NUMA1: variants seen among roughly 807,000 people sequenced by gnomAD.
NUMA1 encodes the protein nuclear mitotic apparatus protein 1.
A neutral mutation model predicts 237.1 loss-of-function variants in NUMA1; 62 were observed. The observed-to-expected ratio is 0.26, with a 90% confidence interval of 0.21 to 0.32. The LOEUF (loss-of-function observed/expected upper bound fraction) is 0.32, where lower values mean the gene tolerates loss of function less well. Among genes scored for constraint, NUMA1 ranks in the 10% least tolerant of loss-of-function variants. NUMA1 has a pLI of 1.00. For missense variants in NUMA1, 2,533 were observed against 2,666.5 expected (o/e 0.95, Z 1.10); for synonymous variants, 1,028 against 1,066.1 (o/e 0.96, Z 0.70).
intron 21 of NUMA1, 32 bp from the exon 22 acceptor site, chr11:72,006,295 C>T: frequency 6.3e-7 from 1 of 1,584,642 alleles, no homozygotes; most frequent in Non-Finnish European, 8.7e-7. Flanking sequence ...TTGCAGTGTA[C>T]AGTCCCTGGC....
chr11:72,009,536 G>A (rs1590877328), intron 17 of NUMA1, 149 bp from the exon 18 acceptor site: 1 of 1,075,908 alleles, frequency 9.3e-7, no homozygotes, highest in Non-Finnish European at 1.3e-6. Flanking sequence ...AATACTCTCT[G>A]CCCGACTACA....
At chr11:72,004,525 AGGGAAAGAGAG>A (rs1359312628) in intron 24 of NUMA1, 104 bp downstream of exon 24, 2 of 1,261,450 alleles carry the variant, frequency 1.6e-6, no homozygotes, top group Non-Finnish European at 1.1e-6. Flanking sequence ...CCTTGGAGAG[AGGGAAAGAGAG>A]GGGGAAGTGA....
intron 2 of NUMA1, chr11:72,049,560 A>ATATATATATATATATATATAT (rs59229987): frequency 0.042 from 1,700 of 40,824 alleles, 520 homozygotes; most frequent in Middle Eastern, 0.059. Context: ...AAATAATAAT[A>ATATATATATATATATATATAT]ATATATATAT....
rs754202501 is a variant in NUMA1, at chr11:72,018,961, C to G, written c.604G>C (p.Ala202Pro). Residue 202 changes from alanine (A) to proline (P), a missense_variant, in exon 10 of 27, where the codon GCT becomes CCT. Ala to Pro is a conservative substitution (Grantham distance 27). This residue lies in a region of NUMA1 where 1,414 missense variants were observed against 1,508.1 expected (regional missense o/e 0.94). Transcript: ENST00000393695. ...SGNNFLSGSP[A>P]SPMGDILQTP... ...TGCAGGATATCACCCATGGGAGAAGCTGGAGAACCTGAGAGAAAGCTGAGG... is the reference window on the plus strand; with the variant it reads ...TGCAGGATATCACCCATGGGAGAAGGTGGAGAACCTGAGAGAAAGCTGAGG... 5 of 1,613,962 alleles carry G rather than the reference C, an allele frequency of 3.1e-6. No individual in the cohort carries two copies. The East Asian group carries it at 6.7e-5, about 22-fold the overall frequency.
chr11:72,032,113 A>C lies in NUMA1; in HGVS notation c.43-2823T>G, dbSNP rs375449989. ...GAGTTCCAGGCTGCTGTGAGCTATGAAGCTGCAACTGCATTCCAGCCTGGG... is the reference window on the plus strand; with the variant it reads ...GAGTTCCAGGCTGCTGTGAGCTATGCAGCTGCAACTGCATTCCAGCCTGGG... On this transcript the variant is annotated intron_variant, in intron 3 of 26. Transcript: ENST00000393695. 4.6e-5 allele frequency among the ~76,000 whole-genome samples: 7 copies of C among 152,118 alleles called. No homozygotes were observed. In the East Asian group the frequency reaches 1.3e-3, roughly 29 times the overall value.
chr11:72,069,037 C>A (rs1011243218), intron 2 of NUMA1, among the ~76,000 whole-genome samples: 1 of 152,150 alleles, frequency 6.6e-6, no homozygotes. Context: ...CAGAGGCAGT[C>A]TGAGGCAATG....
chr11:72,054,155 G>A (rs902421658), intron 2 of NUMA1, among the ~76,000 whole-genome samples: 5 of 152,076 alleles, frequency 3.3e-5, no homozygotes, highest in South Asian at 2.1e-4. Context: ...GAACATGTGT[G>A]CCAAAAAGCA....
chr11:72,036,431 T>A (rs1941031075), intron 2 of NUMA1, among the ~76,000 whole-genome samples: 1 of 152,204 alleles, frequency 6.6e-6, no homozygotes. Context: ...CCTCTCTGGG[T>A]TATTGTGATG....
chr11:72,033,877 A>AT lies in NUMA1; in HGVS notation c.42+2024dup, dbSNP rs199615294. On this transcript the variant is annotated intron_variant, in intron 3 of 26. Coordinates refer to ENST00000393695, the MANE Select transcript of NUMA1 (RefSeq NM_006185.4). ...CTCTACCAAAAATATAAAACATTGT[A>AT]TTTTTTTTGAGGTCACATTAAAATT... is the stretch of plus-strand genomic sequence containing the variant. 4.3e-3 allele frequency among the ~76,000 whole-genome samples: 660 copies of AT among 151,830 alleles called. 2 individuals carry two copies. The highest frequency in any genetic ancestry group is 0.015 in the African/African-American group (630 of 41,398).
chr11:72,056,652 A>AAAAAAAAAAAG, intron 2 of NUMA1, among the ~76,000 whole-genome samples: 1 of 149,946 alleles, frequency 6.7e-6, no homozygotes, highest in African/African-American at 2.4e-5. Flanking sequence ...AAAAAAAAAA[A>AAAAAAAAAAAG]AAAAAAAAGG....
rs1261219266 is a variant in NUMA1, at chr11:72,014,137, C to T, written c.3366G>A (p.Leu1122=). 1 of 1,612,928 alleles carries T rather than the reference C, an allele frequency of 6.2e-7. No individual in the cohort carries two copies. Among genetic ancestry groups the T allele is most frequent in the East Asian group, 2.2e-5 (1 of 44,886 alleles). ...TGCTCACCTCTGCCCGCAGTGCCTCCAGCTTGGGGCCTGTTGGCTCTGTCC... is the reference window on the plus strand; with the variant it reads ...TGCTCACCTCTGCCCGCAGTGCCTCTAGCTTGGGGCCTGTTGGCTCTGTCC... ...AGRTEPTGPK[L]EALRAEVSKL... is the part of the protein sequence containing the mutation. Residue 1122 remains leucine (L), a synonymous_variant, in exon 15 of 27, where the codon CTG becomes CTA. Transcript: ENST00000393695. The surrounding 1 kb of genome is among the most constrained non-coding windows in gnomAD (Gnocchi z 4.6).
At position 72,006,241 on chromosome 11, in the gene NUMA1, T is replaced by C. The variant is rs1955684291; in HGVS notation, c.5486A>G (p.Asp1829Gly). The C allele has an allele frequency of 6.2e-7, 1 of 1,614,052 alleles. No individual in the cohort carries two copies. Among genetic ancestry groups the C allele is most frequent in the Admixed American group, 1.7e-5 (1 of 60,012 alleles). Residue 1829 changes from aspartate (D) to glycine (G), a missense_variant, in exon 22 of 27, where the codon GAC (aspartate) becomes GGC (glycine). By Grantham distance (94) the Asp-to-Gly change is moderately conservative. This residue lies in a region of NUMA1 where 795 missense variants were observed against 750.8 expected (regional missense o/e 1.06). Coordinates refer to ENST00000393695, the MANE Select transcript of NUMA1 (RefSeq NM_006185.4). ...GCTGTAGAACGATGAGTTGGCGCTG[T>C]CTGGCTCTTCCACATCTAGCTTCTG... ...MTKKLDVEEP[D>G]SANSSFYSTR...
intron 5 of NUMA1, 35 bp from the exon 6 acceptor site, chr11:72,023,182 T>G (rs1486965317): frequency 6.7e-7 from 1 of 1,483,040 alleles, no homozygotes; most frequent in South Asian, 1.1e-5. Flanking sequence ...CAGGGTGAAC[T>G]TCCTGGAAAC....
rs1233521041 is a variant in NUMA1, at chr11:72,003,314, T to TAG, written c.*212_*213insCT. 1.5e-5 allele frequency: 9 copies of TAG among 592,384 alleles called. No individual in the cohort carries two copies. In the Admixed American group the frequency reaches 2.7e-4, roughly 18 times the overall value. The allele number at this position is 592,384 out of a possible 1,614,324, so 36.7% of individuals were successfully genotyped here. On this transcript the variant is annotated 3_prime_UTR_variant, in exon 27 of 27. Coordinates refer to ENST00000393695, the MANE Select transcript of NUMA1 (RefSeq NM_006185.4). ...GGCAAGGTAGGGAGAGCGCCCACAC[T>TAG]GTCCATGCTCCAGGCCCCCTGGGCC...
In NUMA1 at chr11:72,014,952, C is replaced by G; in HGVS notation, c.2551G>C (p.Glu851Gln). 1.2e-6 allele frequency: 2 copies of G among 1,614,162 alleles called. No individual in the cohort carries two copies. The highest frequency in any genetic ancestry group is 1.7e-6 in the Non-Finnish European group (2 of 1,180,050). ...ATGCCTGCCACCTTCTCCTTTGCCTCCTGCAGCTCCTGGCGGGCCTTCTCA... is the reference window on the plus strand; with the variant it reads ...ATGCCTGCCACCTTCTCCTTTGCCTGCTGCAGCTCCTGGCGGGCCTTCTCA... ...ECEKARQELQ[E>Q]AKEKVAGIES... The change falls in exon 15 of 27, where the codon GAG becomes CAG. Residue 851 changes from glutamate to glutamine, a missense_variant. Transcript: ENST00000393695. The surrounding 1 kb of genome is among the most constrained non-coding windows in gnomAD (Gnocchi z 4.6).
At chr11:72,038,215 C>T (rs1941266624) in intron 2 of NUMA1, among the ~76,000 whole-genome samples, 1 of 152,196 alleles carries the variant, frequency 6.6e-6, no homozygotes, top group Non-Finnish European at 1.5e-5. Flanking sequence ...AGACTCACAG[C>T]TGTGCTACTA....
rs757401282 is a variant in NUMA1 at position 72,003,949 on chromosome 11, T to C, written c.6274A>G (p.Thr2092Ala). The stretch of plus-strand genomic sequence containing the variant: ...GCAGTGGCGGCGCTGGCTGTGGTGG[T>C]GGCAATGCGCGGAGAACGGCGGGTT... ...SGTRRSPRIA[T>A]TTASAATAAA... The change falls in exon 26 of 27, where the codon ACC becomes GCC. Residue 2092 changes from threonine to alanine, a missense_variant. Physicochemically the swap from Thr to Ala is moderately conservative, Grantham distance 58. Coordinates refer to ENST00000393695, the MANE Select transcript of NUMA1 (RefSeq NM_006185.4). 6.2e-7 allele frequency: 1 copy of C among 1,613,278 alleles called. No individual in the cohort carries two copies. Among genetic ancestry groups the C allele is most frequent in the South Asian group, 1.1e-5 (1 of 91,042 alleles).
rs1941262928 is a variant in NUMA1, at chr11:72,038,168, T to G, written c.-32-2193A>C. 2.0e-5 allele frequency among the ~76,000 whole-genome samples: 3 copies of G among 152,176 alleles called. No individual in the cohort carries two copies. In the South Asian group the frequency reaches 6.2e-4, roughly 32 times the overall value. On this transcript the variant is annotated intron_variant, in intron 2 of 26. Transcript: ENST00000393695. ...TGATGAGGCCCAACACTTCGAAATTTTATCTGCAACTGTAGGCAGATCTTG... is the reference window on the plus strand; with the variant it reads ...TGATGAGGCCCAACACTTCGAAATTGTATCTGCAACTGTAGGCAGATCTTG...
intron 2 of NUMA1, chr11:72,049,272 A>C (rs1942173118): frequency 1.3e-5 from 2 of 152,048 alleles, no homozygotes; most frequent in South Asian, 4.1e-4. Flanking sequence ...TACTGGAGAC[A>C]GCCTCCATAG....
Sources: gnomAD v4.1 joint callset for allele counts (sites outside exome capture counted in the v4.1 genomes callset) on GRCh38, gnomAD v4.1.1 for gene constraint, gnomAD v4.1.1 regional missense constraint, Gnocchi (gnomAD v3.1) non-coding constraint, MANE v1.5 for transcripts, NCBI Gene and HGNC (gene_info 2026-07-23, HGNC 2026-07-21) for gene names.